OTOP3: variants seen among roughly 807,000 people sequenced by gnomAD.
The protein encoded by OTOP3 is proton channel OTOP3.
OTOP3 carries 41 observed loss-of-function variants against 50.8 expected under a neutral mutation model. The observed-to-expected ratio is 0.81, with a 90% confidence interval of 0.63 to 1.05. The LOEUF is 1.05. Ranked by LOEUF, OTOP3 falls within the 50% of genes least tolerant of loss-of-function variation. The probability of loss-of-function intolerance (pLI) is 0.00; values close to 1 mark genes in which losing one functional copy is unlikely to be tolerated. For synonymous variants in OTOP3, 320 were observed against 324.4 expected (o/e 0.99, Z 0.14); for missense variants, 788 against 760.8 (o/e 1.04, Z -0.42).
At position 74,941,360 on chromosome 17, in the gene OTOP3, G is replaced by A. The variant is rs138210982; in HGVS notation, c.20-33G>A. 5.1e-4 allele frequency: 738 copies of A among 1,453,448 alleles called. 10 individuals carry two copies. The East Asian group carries it at 0.016, about 32-fold the overall frequency. 90.0% of individuals were successfully genotyped at this position (1,453,448 alleles called of 1,614,324 possible). On this transcript the variant is annotated intron_variant, in intron 1 of 6. Transcript: ENST00000328801. ...GTGGACTTGAACCCAGGACAGCCTGGCAGTTAACCCAGGACCCTTTCTCCA... is the reference window on the plus strand; with the variant it reads ...GTGGACTTGAACCCAGGACAGCCTGACAGTTAACCCAGGACCCTTTCTCCA...
At chr17:74,936,018 G>A in intron 1 of OTOP3, 78 bp downstream of exon 1, 1 of 1,528,372 alleles carries the variant, frequency 6.5e-7, no homozygotes, top group Non-Finnish European at 8.8e-7. Context: ...CCCCCCAAAA[G>A]GGGGGTTCAC....
At position 74,941,756 on chromosome 17, in the gene OTOP3, G is replaced by A. The variant is rs9890664; in HGVS notation, c.383G>A (p.Arg128Gln). ...LLYYVASTTR[R>Q]PHAVLYQDPH... ...TACTATGTGGCAAGCACCACCCGCCGACCACACGCCGTGCTCTACCAAGAT... is the reference window on the plus strand; with the variant it reads ...TACTATGTGGCAAGCACCACCCGCCAACCACACGCCGTGCTCTACCAAGAT... Residue 128 changes from arginine (R) to glutamine (Q), a missense_variant, in exon 2 of 7, where the codon CGA becomes CAA. Arg to Gln is a conservative substitution (Grantham distance 43). Coordinates refer to ENST00000328801, the MANE Select transcript of OTOP3 (RefSeq NM_001272005.2). 1,096,515 of 1,613,448 alleles carry A rather than the reference G, an allele frequency of 0.68. 374,570 individuals carry two copies. Among genetic ancestry groups the A allele is most frequent in the Admixed American group, 0.78 (46,649 of 59,978 alleles).
chr17:74,943,793 CAT>C lies in OTOP3; in HGVS notation c.751+71_751+72del, dbSNP rs1413971637. 7.3e-6 allele frequency: 8 copies of C among 1,094,016 alleles called. No individual in the cohort carries two copies. In the Admixed American group the frequency reaches 8.0e-5, roughly 11 times the overall value. 67.8% of individuals were successfully genotyped at this position (1,094,016 alleles called of 1,614,324 possible). On this transcript the variant is annotated intron_variant, in intron 5 of 6. Coordinates refer to ENST00000328801, the MANE Select transcript of OTOP3 (RefSeq NM_001272005.2). ...ACACACACACACACACACACACACA[CAT>C]AAACGCTACACTCTCTAAAACAGGT... is the stretch of plus-strand genomic sequence containing the variant.
At chr17:74,948,609 G>C (rs1383158827) in intron 6 of OTOP3, among the ~76,000 whole-genome samples, 1 of 152,170 alleles carries the variant, frequency 6.6e-6, no homozygotes, top group African/African-American at 2.4e-5. Flanking sequence ...TCAGTGAGCT[G>C]AGATCGTGCC....
intron 6 of OTOP3, 32 bp from the exon 7 acceptor site, chr17:74,949,214 C>T: frequency 6.2e-7 from 1 of 1,606,708 alleles, no homozygotes; most frequent in African/African-American, 1.3e-5. Flanking sequence ...ACAGGAGAGC[C>T]CTTCCCTAAC....
Position 74,941,567 on chromosome 17 carries a change from C to T in OTOP3, c.194C>T (p.Ala65Val). The T allele has an allele frequency of 6.2e-7, 1 of 1,608,698 alleles. No homozygotes were observed. The highest frequency in any genetic ancestry group is 1.3e-5 in the African/African-American group (1 of 74,980). The change falls in exon 2 of 7, where the codon GCC becomes GTC. Residue 65 changes from alanine (A) to valine (V), a missense_variant. By Grantham distance (64) the Ala-to-Val change is moderately conservative. Transcript: ENST00000328801. Reference sequence around the variant, plus strand: ...CTGCTGCTGCGGCGGGACCGGCAGGCCCAGAAGGCTGGACAACTCTTCTCG... The same window carrying T: ...CTGCTGCTGCGGCGGGACCGGCAGGTCCAGAAGGCTGGACAACTCTTCTCG... ...FSLLLRRDRQ[A>V]QKAGQLFSGL...
chr17:74,936,845 A>C (rs982157047), intron 1 of OTOP3, among the ~76,000 whole-genome samples: 1 of 150,906 alleles, frequency 6.6e-6, no homozygotes, highest in Non-Finnish European at 1.5e-5. Context: ...GATAGCCAAC[A>C]CTGAGTTTTC....
At chr17:74,936,950 AC>A (rs1210830076) in intron 1 of OTOP3, among the ~76,000 whole-genome samples, 7,628 of 52,884 alleles carry the variant, frequency 0.14, 900 homozygotes, top group African/African-American at 0.39. Flanking sequence ...GGCATTCATC[AC>A]CCCCCCACCC....
intron 1 of OTOP3, among the ~76,000 whole-genome samples, chr17:74,940,366 T>G (rs1598602807): frequency 6.6e-6 from 1 of 151,936 alleles, no homozygotes; most frequent in East Asian, 1.9e-4. Context: ...ACTAGAACAG[T>G]AAAGCTAAAA....
intron 1 of OTOP3, among the ~76,000 whole-genome samples, chr17:74,938,311 G>A (rs895917203): frequency 6.6e-6 from 1 of 151,998 alleles, no homozygotes; most frequent in Non-Finnish European, 1.5e-5. Context: ...TGCATAGAGG[G>A]CACGTCTGAA....
rs193256070 is a variant in OTOP3 at position 74,942,924 on chromosome 17, G to A, written c.574-362G>A. On this transcript the variant is annotated intron_variant, in intron 3 of 6. Coordinates refer to ENST00000328801, the MANE Select transcript of OTOP3 (RefSeq NM_001272005.2). ...TGCGCCACTGCACTCCAGCCTGGGC[G>A]ACAGAGCGAGACTCCAAAAAACAAA... Among the ~76,000 whole-genome samples, 342 of 152,296 alleles carry A rather than the reference G, an allele frequency of 2.2e-3. 2 individuals are homozygous for A. The highest frequency in any genetic ancestry group is 7.6e-3 in the African/African-American group (316 of 41,560).
intron 1 of OTOP3, among the ~76,000 whole-genome samples, chr17:74,940,088 T>TACACACACACACAC (rs35662550): frequency 8.2e-6 from 1 of 122,350 alleles, no homozygotes; most frequent in African/African-American, 3.2e-5. Flanking sequence ...ATATATATTA[T>TACACACACACACAC]ACACACACAC....
intron 5 of OTOP3, 93 bp from the exon 6 acceptor site, chr17:74,946,568 G>A: frequency 8.8e-7 from 1 of 1,138,572 alleles, no homozygotes; most frequent in Non-Finnish European, 1.2e-6. Context: ...CAGCTCTAGT[G>A]TATTCCAGGG....
intron 1 of OTOP3, among the ~76,000 whole-genome samples, chr17:74,936,962 T>C (rs1169175658): frequency 9.6e-4 from 42 of 43,758 alleles, no homozygotes; most frequent in South Asian, 2.5e-3. Context: ...CCCCCCACCC[T>C]TTTTTTTTTT....
Position 74,947,160 on chromosome 17 carries a change from G to A in OTOP3, c.1251G>A (p.Val417=), listed in dbSNP as rs369892521. Residue 417 remains valine (V), a synonymous_variant, in exon 6 of 7, where the codon GTG becomes GTA. Transcript: ENST00000328801. ...TGGGCATCGCCTATTTCTCCATCGT[G>A]GCCATTGTGGCCAAGCGCCCGCATG... ...GQMGIAYFSI[V]AIVAKRPHEL... 8.5e-5 allele frequency: 137 copies of A among 1,613,904 alleles called. No homozygotes were observed. The highest frequency in any genetic ancestry group is 1.1e-4 in the Non-Finnish European group (130 of 1,180,026).
chr17:74,947,338 C>T lies in OTOP3; in HGVS notation c.1429C>T (p.Arg477Cys), dbSNP rs753317247. The T allele has an allele frequency of 4.9e-5, 79 of 1,613,148 alleles. No individual in the cohort carries two copies. Among genetic ancestry groups the T allele is most frequent in the Admixed American group, 3.0e-4 (18 of 60,022 alleles). ...AGGAAAGCAGGAGGCTGAGCCTCCC[C>T]GCAGAGGCTCCTTGCTGGAGCTGGG... is the stretch of plus-strand genomic sequence containing the variant. ...LAGKQEAEPP[R>C]RGSLLELGQG... Residue 477 changes from arginine (R) to cysteine (C), a missense_variant, in exon 6 of 7, where the codon CGC becomes TGC. Coordinates refer to ENST00000328801, the MANE Select transcript of OTOP3 (RefSeq NM_001272005.2).
rs767381939 is a variant in OTOP3 at position 74,947,176 on chromosome 17, C to T, written c.1267C>T (p.Arg423Cys). The change falls in exon 6 of 7, where the codon CGC (arginine) becomes TGC (cysteine). Residue 423 changes from arginine to cysteine, a missense_variant. Coordinates refer to ENST00000328801, the MANE Select transcript of OTOP3 (RefSeq NM_001272005.2). ...CTCCATCGTGGCCATTGTGGCCAAG[C>T]GCCCGCATGAGCTGCTCAACCGCCT... Reference protein sequence around the residue: ...YFSIVAIVAKRPHELLNRLIL... With the variant: ...YFSIVAIVAKCPHELLNRLIL... 17 of 1,613,838 alleles carry T rather than the reference C, an allele frequency of 1.1e-5. No homozygotes were observed. Among genetic ancestry groups the T allele is most frequent in the African/African-American group, 2.7e-5 (2 of 74,954 alleles).
In OTOP3 at chr17:74,941,926, C is replaced by T. The variant is rs1406710075; in HGVS notation, c.462C>T (p.Cys154=). 1.2e-6 allele frequency: 2 copies of T among 1,611,104 alleles called. No homozygotes were observed. Among genetic ancestry groups the T allele is most frequent in the South Asian group, 2.2e-5 (2 of 90,838 alleles). Residue 154 remains cysteine (C), a synonymous_variant, in exon 3 of 7, where the codon TGC becomes TGT. Transcript: ENST00000328801. ...GTTCCCTAGTGCTCTTCGGCAGCTG[C>T]ACCTTCTGCCTCAACATCTTCCGAG... ...VRGSLVLFGS[C]TFCLNIFRVG... is the part of the protein sequence containing the mutation.
At chr17:74,944,149 A>C (rs1382277447) in intron 5 of OTOP3, among the ~76,000 whole-genome samples, 1 of 152,216 alleles carries the variant, frequency 6.6e-6, no homozygotes, top group East Asian at 1.9e-4. Flanking sequence ...ATATCTGGAC[A>C]GAAAAAAACT....
Sources: gnomAD v4.1 joint callset for allele counts (sites outside exome capture counted in the v4.1 genomes callset) on GRCh38, gnomAD v4.1.1 for gene constraint, MANE v1.5 for transcripts, NCBI Gene and HGNC (gene_info 2026-07-23, HGNC 2026-07-21) for gene names.